Variants in TAF8 observed in about 807,000 individuals in gnomAD.
The protein encoded by TAF8 is transcription initiation factor TFIID subunit 8.
Under a neutral mutation model 36.5 loss-of-function variants are expected in TAF8, and 47 were observed. That is an observed-to-expected ratio of 1.29 (90% CI 1.02 to 1.64). The LOEUF (loss-of-function observed/expected upper bound fraction) is 1.64, where lower values mean the gene tolerates loss of function less well. Among genes scored for constraint, TAF8 ranks in the 40% most tolerant of loss-of-function variants. The pLI is 0.00. For missense variants in TAF8, 420 were observed against 407.6 expected (o/e 1.03, Z -0.26); for synonymous variants, 175 against 159.5 (o/e 1.10, Z -0.73).
chr6:42,052,853 A>G lies in TAF8; in HGVS notation c.202+1340A>G, dbSNP rs553712965. Among the ~76,000 whole-genome samples the G allele has an allele frequency of 2.6e-5, 4 of 152,210 alleles. No homozygotes were observed. In the South Asian group the frequency reaches 8.3e-4, roughly 32 times the overall value. ...GGGTGCAATGCAGGCCCAATAAAGAAGTGGACAACTTAGCCAGGACCCCTG... is the reference window on the plus strand; with the variant it reads ...GGGTGCAATGCAGGCCCAATAAAGAGGTGGACAACTTAGCCAGGACCCCTG... On this transcript the variant is annotated intron_variant, in intron 2 of 8. Coordinates refer to ENST00000372977, the MANE Select transcript of TAF8 (RefSeq NM_138572.3).
chr6:42,078,713 G>A lies in TAF8; in HGVS notation c.*1168G>A. ...TTTATTGCCCCTGTGAGGAATGTGT[G>A]CTTGGGAACTGCCAAGTCTTACCCC... is the stretch of plus-strand genomic sequence containing the variant. On this transcript the variant is annotated 3_prime_UTR_variant, in exon 9 of 9. Transcript: ENST00000372977. 1.0e-6 allele frequency: 1 copy of A among 985,440 alleles called. No individual in the cohort carries two copies. Among genetic ancestry groups the A allele is most frequent in the Non-Finnish European group, 1.2e-6 (1 of 829,956 alleles). The allele number at this position is 985,440 out of a possible 1,614,324, so 61.0% of individuals were successfully genotyped here.
At chr6:42,086,726 A>G (rs1562026939), downstream of TAF8, 2 of 1,551,096 alleles carry the variant, frequency 1.3e-6, no homozygotes. Context: ...CAGGCCAGAT[A>G]CATTCTAGAG....
At chr6:42,067,916 G>T (rs1379668379) in intron 6 of TAF8, among the ~76,000 whole-genome samples, 2 of 152,092 alleles carry the variant, frequency 1.3e-5, no homozygotes, top group African/African-American at 4.8e-5. Context: ...CATCCTCATT[G>T]CTTTTTGGAA....
In TAF8 at chr6:42,077,651, G is replaced by A; in HGVS notation, c.*106G>A. 1 of 1,552,634 alleles carries A rather than the reference G, an allele frequency of 6.4e-7. No homozygotes were observed. Among genetic ancestry groups the A allele is most frequent in the Non-Finnish European group, 8.7e-7 (1 of 1,149,502 alleles). On this transcript the variant is annotated 3_prime_UTR_variant, in exon 9 of 9. Coordinates refer to ENST00000372977, the MANE Select transcript of TAF8 (RefSeq NM_138572.3). ...GTGACCTCCTCATGGCCAAGCCGAG[G>A]CTGCAGGGTGTGATCGGACATGATT... is the stretch of plus-strand genomic sequence containing the variant.
intron 5 of TAF8, among the ~76,000 whole-genome samples, chr6:42,064,652 A>G (rs1039469008): frequency 6.6e-6 from 1 of 152,102 alleles, no homozygotes; most frequent in African/African-American, 2.4e-5. Flanking sequence ...GATGGTGACA[A>G]CAAAGAAACA....
chr6:42,070,834 C>T (rs941688440), intron 7 of TAF8, among the ~76,000 whole-genome samples: 10 of 152,032 alleles, frequency 6.6e-5, no homozygotes, highest in East Asian at 5.8e-4. Flanking sequence ...ATTTGGTAGA[C>T]GAGAGGGGAT....
chr6:42,054,789 A>G (rs761942219), intron 2 of TAF8, among the ~76,000 whole-genome samples: 16 of 151,960 alleles, frequency 1.1e-4, no homozygotes, highest in Non-Finnish European at 1.9e-4. Context: ...TATTTGTGGT[A>G]GAGTTGGGGT....
chr6:42,062,392 AG>A (rs1220601948), intron 5 of TAF8, among the ~76,000 whole-genome samples: 1 of 152,170 alleles, frequency 6.6e-6, no homozygotes, highest in African/African-American at 2.4e-5. Flanking sequence ...TACAGAAAAA[AG>A]CTAAATAATT....
downstream of TAF8, among the ~76,000 whole-genome samples, chr6:42,085,342 C>T (rs955950197): frequency 2.6e-5 from 4 of 152,194 alleles, no homozygotes; most frequent in Non-Finnish European, 2.9e-5. Flanking sequence ...ACATGATGCT[C>T]GTTCGTTGGG....
chr6:42,073,889 A>G (rs947381821), intron 7 of TAF8, among the ~76,000 whole-genome samples: 20 of 152,122 alleles, frequency 1.3e-4, no homozygotes, highest in Non-Finnish European at 2.5e-4. Flanking sequence ...TGGTGGGCCC[A>G]AGTAGAGTGG....
chr6:42,051,827 G>C (rs1401345941), intron 2 of TAF8: 2 of 185,366 alleles, frequency 1.1e-5, no homozygotes, highest in South Asian at 1.7e-4. Context: ...TTAGCTGGGC[G>C]TGGTGGCAGG....
chr6:42,083,999 G>A (rs901540048), downstream of TAF8, among the ~76,000 whole-genome samples: 4 of 152,080 alleles, frequency 2.6e-5, no homozygotes, highest in East Asian at 7.8e-4. Flanking sequence ...GGCTAACACA[G>A]TGAAACCCCG....
At position 42,051,548 on chromosome 6, in the gene TAF8, C is replaced by T. The variant is rs188196093; in HGVS notation, c.202+35C>T. On this transcript the variant is annotated intron_variant, in intron 2 of 8. Transcript: ENST00000372977. ...TGGAAACACTTGGCCTTGGAGTCAA[C>T]CCCAACATCAGTTCTGTGCCCTGCT... The T allele has an allele frequency of 5.6e-6, 9 of 1,605,716 alleles. No homozygotes were observed. The Admixed American group carries it at 1.3e-4, about 24-fold the overall frequency.
chr6:42,086,973 A>G (rs146197741), downstream of TAF8: 874 of 602,478 alleles, frequency 1.5e-3, 8 homozygotes, highest in African/African-American at 0.013. Context: ...CCCTGTCCTC[A>G]AGAAGTGCAG....
At chr6:42,067,311 C>A (rs765036623) in intron 6 of TAF8, among the ~76,000 whole-genome samples, 2 of 152,214 alleles carry the variant, frequency 1.3e-5, no homozygotes, top group Non-Finnish European at 2.9e-5. Flanking sequence ...CTCCGCCTCC[C>A]GGGTTCCAGC....
In TAF8 at chr6:42,066,371, G is replaced by A. The variant is rs372388576; in HGVS notation, c.549G>A (p.Arg183=). The change falls in exon 6 of 9, where the codon AGG becomes AGA. Residue 183 remains arginine, a synonymous_variant. Transcript: ENST00000372977. The part of the protein sequence containing the change: ...QVLREKAASQ[R]RDVERALTRF... Reference sequence around the variant, plus strand: ...TGCGGGAGAAGGCTGCATCCCAGAGGCGCGATGTGGAGCGGGCACTTACCC... The same window carrying A: ...TGCGGGAGAAGGCTGCATCCCAGAGACGCGATGTGGAGCGGGCACTTACCC... The A allele has an allele frequency of 3.6e-5, 58 of 1,614,122 alleles. No homozygotes were observed. Among genetic ancestry groups the A allele is most frequent in the Middle Eastern group, 1.6e-4 (1 of 6,084 alleles).
chr6:42,070,627 G>A (rs139410437), intron 7 of TAF8, among the ~76,000 whole-genome samples: 71 of 152,356 alleles, frequency 4.7e-4, no homozygotes, highest in Admixed American at 9.2e-4. Flanking sequence ...ACAGAAAGTC[G>A]TGTGGTGTTC....
chr6:42,079,769 G>T lies in TAF8; in HGVS notation c.*2224G>T, dbSNP rs796470764. ...GGATTTTGCTATGTTGCCCAGGCTG[G>T]TCTTGAACTCCTGGCCTCAAGTGAT... On this transcript the variant is annotated 3_prime_UTR_variant, in exon 9 of 9. Coordinates refer to ENST00000372977, the MANE Select transcript of TAF8 (RefSeq NM_138572.3). 57 of 806,318 alleles carry T rather than the reference G, an allele frequency of 7.1e-5. 1 individual carries two copies. The highest frequency in any genetic ancestry group is 1.3e-3 in the Middle Eastern group (2 of 1,566). 49.9% of individuals were successfully genotyped at this position (806,318 alleles called of 1,614,324 possible). A position where few individuals can be genotyped will look rare whatever the true frequency, so the allele number is the denominator to read the frequency against.
rs1765869905 is a variant in TAF8 at position 42,079,863 on chromosome 6, GT to G, written c.*2319del. On this transcript the variant is annotated 3_prime_UTR_variant, in exon 9 of 9. Transcript: ENST00000372977. ...GCCACGGTGCCCAGCCCATCTCTTA[GT>G]CTTCCATTCCCTTGGTGAATTTGGA... The G allele has an allele frequency of 1.0e-6, 1 of 985,120 alleles. No individual in the cohort carries two copies. Among genetic ancestry groups the G allele is most frequent in the Admixed American group, 6.2e-5 (1 of 16,230 alleles). 61.0% of individuals were successfully genotyped at this position (985,120 alleles called of 1,614,324 possible). A position where few individuals can be genotyped will look rare whatever the true frequency, so the allele number is the denominator to read the frequency against.
Sources: gnomAD v4.1 joint callset for allele counts (sites outside exome capture counted in the v4.1 genomes callset) on GRCh38, gnomAD v4.1.1 for gene constraint, MANE v1.5 for transcripts, NCBI Gene and HGNC (gene_info 2026-07-23, HGNC 2026-07-21) for gene names.